Variants in DLGAP2 observed in about 807,000 individuals in gnomAD.
DLGAP2 encodes the protein DLG associated protein 2.
In DLGAP2, 26 loss-of-function variants were observed where a neutral mutation model predicts 100.3. The ratio of observed to expected loss-of-function variants is 0.26; its 90% CI spans 0.19 to 0.36. DLGAP2 has a LOEUF of 0.36. Among genes scored for constraint, DLGAP2 ranks in the 10% least tolerant of loss-of-function variants. The pLI is 1.00. For missense variants in DLGAP2, 1,858 were observed against 1,453.2 expected, an observed-to-expected ratio of 1.28 and a Z score of -4.53; for synonymous variants, 886 against 630.1, an observed-to-expected ratio of 1.41 and a Z score of -6.08.
chr8:1,531,889 C>G (rs975649674), intron 4 of DLGAP2, among the ~76,000 whole-genome samples: 1 of 152,182 alleles, frequency 6.6e-6, no homozygotes, highest in Non-Finnish European at 1.5e-5. Flanking sequence ...TTGTCACGCA[C>G]ACCCGTGACA....
intron 2 of DLGAP2, among the ~76,000 whole-genome samples, chr8:962,477 C>T (rs760761020): frequency 2.6e-5 from 4 of 152,134 alleles, no homozygotes; most frequent in Non-Finnish European, 4.4e-5. Context: ...GGCCGTGGGG[C>T]GCTGCTGGGA....
intron 7 of DLGAP2, among the ~76,000 whole-genome samples, chr8:1,630,853 G>A (rs937549515): frequency 6.6e-6 from 1 of 152,030 alleles, no homozygotes; most frequent in Admixed American, 6.6e-5. Flanking sequence ...CTCTGCTTGG[G>A]TTTCCTGCAG....
chr8:1,062,751 A>G (rs916762461), intron 2 of DLGAP2, among the ~76,000 whole-genome samples: 2 of 152,134 alleles, frequency 1.3e-5, no homozygotes, highest in Non-Finnish European at 2.9e-5. Flanking sequence ...GGAGACTAGT[A>G]TGACTGTAAT....
chr8:1,571,608 G>A (rs1802688297), intron 6 of DLGAP2, among the ~76,000 whole-genome samples: 1 of 134,376 alleles, frequency 7.4e-6, no homozygotes, highest in African/African-American at 2.8e-5. Context: ...GCATCTTCTG[G>A]GACGGAGAGG....
chr8:1,424,654 T>C (rs1420088288), intron 3 of DLGAP2, among the ~76,000 whole-genome samples: 2 of 151,180 alleles, frequency 1.3e-5, no homozygotes, highest in South Asian at 2.1e-4. Context: ...AGGACAAGGA[T>C]GGTGTGATCC....
chr8:1,566,137 A>G (rs1214950413), intron 6 of DLGAP2, among the ~76,000 whole-genome samples: 1 of 152,252 alleles, frequency 6.6e-6, no homozygotes, highest in Admixed American at 6.5e-5. Flanking sequence ...GTCAAATTAT[A>G]AAGCCAACAT....
intron 2 of DLGAP2, among the ~76,000 whole-genome samples, chr8:1,044,542 G>C (rs1802464394): frequency 6.6e-6 from 1 of 152,226 alleles, no homozygotes; most frequent in African/African-American, 2.4e-5. Flanking sequence ...GGGATCAGGA[G>C]TGTCAAAGTG....
intron 2 of DLGAP2, among the ~76,000 whole-genome samples, chr8:1,068,456 C>T (rs771877974): frequency 3.3e-5 from 5 of 152,178 alleles, no homozygotes; most frequent in Non-Finnish European, 4.4e-5. Flanking sequence ...CTCAGCGGCG[C>T]TTGAGGCTGT....
chr8:1,598,318 A>C (rs1188965408), intron 6 of DLGAP2, among the ~76,000 whole-genome samples: 1 of 152,132 alleles, frequency 6.6e-6, no homozygotes, highest in Non-Finnish European at 1.5e-5. Flanking sequence ...TATAGGCCTG[A>C]AGTTTTCTGT....
rs1388656161 is a variant in DLGAP2, at chr8:1,706,375, G to A, written c.*4969G>A. ...AAAGTCCTTTGAGCTCCTGGGAACA[G>A]GTGGTGAAAGTGTGCGTTACTGCTA... On this transcript the variant is annotated 3_prime_UTR_variant, in exon 15 of 15. Transcript: ENST00000637795. 2 of 152,228 alleles carry A rather than the reference G, an allele frequency of 1.3e-5. No individual in the cohort carries two copies. Among genetic ancestry groups the A allele is most frequent in the African/African-American group, 4.8e-5 (2 of 41,462 alleles). The allele number at this position is 152,228 out of a possible 1,614,324, so 9.4% of individuals were successfully genotyped here. A position where few individuals can be genotyped will look rare whatever the true frequency, so the allele number is the denominator to read the frequency against.
chr8:1,387,080 G>T (rs1329224356), intron 3 of DLGAP2, among the ~76,000 whole-genome samples: 1 of 152,148 alleles, frequency 6.6e-6, no homozygotes, highest in African/African-American at 2.4e-5. Context: ...CATGTATTGC[G>T]GGTGTGGTCG....
chr8:1,508,470 C>A (rs1359558472), intron 4 of DLGAP2, among the ~76,000 whole-genome samples: 84 of 23,802 alleles, frequency 3.5e-3, no homozygotes, highest in African/African-American at 4.1e-3. Context: ...CCCCCGCCAC[C>A]CCCTGCAAAC....
chr8:918,793 G>A (rs1257123489), intron 2 of DLGAP2, among the ~76,000 whole-genome samples: 1 of 152,196 alleles, frequency 6.6e-6, no homozygotes, highest in Admixed American at 6.5e-5. Context: ...AGACAAACTA[G>A]CTTGAATTGA....
At chr8:1,123,707 T>G (rs969572577) in intron 2 of DLGAP2, among the ~76,000 whole-genome samples, 5 of 152,142 alleles carry the variant, frequency 3.3e-5, no homozygotes, top group African/African-American at 1.2e-4. Context: ...AACCTCTTTT[T>G]CTCCTCCTCC....
chr8:1,276,529 T>C (rs1799701413), intron 3 of DLGAP2, among the ~76,000 whole-genome samples: 1 of 152,160 alleles, frequency 6.6e-6, no homozygotes, highest in Admixed American at 6.5e-5. Context: ...GTTCGGCCTT[T>C]GCTTTACCCT....
intron 2 of DLGAP2, among the ~76,000 whole-genome samples, chr8:1,207,528 T>G (rs1163608557): frequency 6.6e-6 from 1 of 152,258 alleles, no homozygotes; most frequent in Non-Finnish European, 1.5e-5. Context: ...TGAATACACA[T>G]GCATGTGCAA....
intron 3 of DLGAP2, among the ~76,000 whole-genome samples, chr8:1,278,290 C>T (rs1192826306): frequency 2.0e-5 from 3 of 152,126 alleles, no homozygotes; most frequent in Non-Finnish European, 4.4e-5. Context: ...AGATCTCTTC[C>T]AGTTGTAAGA....
chr8:1,092,234 A>C (rs1460799164), intron 2 of DLGAP2, among the ~76,000 whole-genome samples: 1 of 152,116 alleles, frequency 6.6e-6, no homozygotes, highest in Non-Finnish European at 1.5e-5. Context: ...GAATCAGTTT[A>C]AGTCCCTGCT....
chr8:1,085,276 G>A (rs926867560), intron 2 of DLGAP2, among the ~76,000 whole-genome samples: 7 of 151,990 alleles, frequency 4.6e-5, no homozygotes, highest in South Asian at 4.2e-4. Flanking sequence ...CTTATCAGAT[G>A]TATGGCTTGC....
Sources: allele counts gnomAD v4.1 joint callset (sites outside exome capture counted in the v4.1 genomes callset), GRCh38; gene constraint gnomAD v4.1.1; transcripts MANE v1.5; gene names NCBI Gene and HGNC (gene_info 2026-07-23, HGNC 2026-07-21).